Variants in DOCK2 observed in about 807,000 individuals in gnomAD.
The protein encoded by DOCK2 is dedicator of cytokinesis protein 2.
Under a neutral mutation model 248.9 loss-of-function variants are expected in DOCK2, and 87 were observed. The ratio of observed to expected loss-of-function variants is 0.35; its 90% confidence interval spans 0.29 to 0.42. The LOEUF (loss-of-function observed/expected upper bound fraction) is 0.42. Among genes scored for constraint, DOCK2 ranks in the 10% least tolerant of loss-of-function variants. DOCK2 has a pLI of 1.00. For synonymous variants in DOCK2, 805 were observed against 821.6 expected, an observed-to-expected ratio of 0.98 and a Z score of 0.35; for missense variants, 1,747 against 2,300.2, an observed-to-expected ratio of 0.76 and a Z score of 4.92.
intron 27 of DOCK2, among the ~76,000 whole-genome samples, chr5:169,922,749 G>A (rs1180080538): frequency 6.6e-6 from 1 of 152,142 alleles, no homozygotes; most frequent in Non-Finnish European, 1.5e-5. Context: ...AAATTGTGCT[G>A]TCTCATTCCA....
intron 44 of DOCK2, among the ~76,000 whole-genome samples, 190 bp downstream of exon 44, chr5:170,057,856 G>A (rs1581563617): frequency 1.3e-5 from 2 of 151,522 alleles, no homozygotes; most frequent in African/African-American, 4.9e-5. Flanking sequence ...TTAAGCATCA[G>A]ATAACCTTTT....
chr5:169,662,553 A>G (rs992209592), intron 2 of DOCK2, among the ~76,000 whole-genome samples: 1 of 152,216 alleles, frequency 6.6e-6, no homozygotes, highest in Admixed American at 6.5e-5. Context: ...AAAGAGGTTT[A>G]ATTGACTCAC....
chr5:169,668,254 T>C (rs989264087), intron 2 of DOCK2, among the ~76,000 whole-genome samples: 6 of 152,214 alleles, frequency 3.9e-5, no homozygotes, highest in African/African-American at 1.4e-4. Context: ...AGATTCTCTT[T>C]CCAACCTCCC....
At chr5:169,717,167 T>C (rs1480241776) in intron 20 of DOCK2, among the ~76,000 whole-genome samples, 1 of 152,184 alleles carries the variant, frequency 6.6e-6, no homozygotes, top group East Asian at 1.9e-4. Flanking sequence ...TCAAAACCTA[T>C]TTGACCATGA....
At position 169,725,302 on chromosome 5, in the gene DOCK2, C is replaced by T. The variant is rs537356015; in HGVS notation, c.2267+6511C>T. ...AGATCAGGATGAAAGAGAAAACTGT[C>T]ACCGAAAGGATATCATCAAACAGTG... On this transcript the variant is annotated intron_variant, in intron 22 of 51. Coordinates refer to ENST00000520908, the MANE Select transcript of DOCK2 (RefSeq NM_004946.3). Among the ~76,000 whole-genome samples the T allele has an allele frequency of 3.5e-4, 54 of 152,248 alleles. 2 individuals carry two copies. In the South Asian group the frequency reaches 0.011, roughly 31 times the overall value.
At chr5:169,949,993 C>T (rs933506086) in intron 27 of DOCK2, among the ~76,000 whole-genome samples, 2 of 152,148 alleles carry the variant, frequency 1.3e-5, no homozygotes, top group Non-Finnish European at 2.9e-5. Context: ...AACACAACCT[C>T]GCAATGAAGG....
chr5:169,815,453 T>A (rs930299008), intron 26 of DOCK2, among the ~76,000 whole-genome samples: 4 of 152,152 alleles, frequency 2.6e-5, no homozygotes, highest in Admixed American at 1.3e-4. Context: ...ACACACTCCC[T>A]CCTTCCTATC....
intron 33 of DOCK2, among the ~76,000 whole-genome samples, chr5:170,025,423 C>A (rs1369385067): frequency 6.6e-6 from 1 of 152,192 alleles, no homozygotes; most frequent in Non-Finnish European, 1.5e-5. Context: ...TACTGTCTGG[C>A]CCTTTACAGG....
At chr5:169,812,297 C>T (rs1424022382) in intron 26 of DOCK2, among the ~76,000 whole-genome samples, 2 of 152,182 alleles carry the variant, frequency 1.3e-5, no homozygotes, top group South Asian at 4.1e-4. Context: ...GGTGCATGCT[C>T]CTTATGAGAA....
chr5:169,780,372 TG>T (rs1765644848), intron 25 of DOCK2, among the ~76,000 whole-genome samples: 1 of 151,442 alleles, frequency 6.6e-6, no homozygotes, highest in Admixed American at 6.6e-5. Context: ...CCAAAATGCA[TG>T]GGAAAGTTGT....
At chr5:169,779,690 G>A (rs891753589) in intron 25 of DOCK2, among the ~76,000 whole-genome samples, 2 of 152,036 alleles carry the variant, frequency 1.3e-5, no homozygotes, top group Non-Finnish European at 2.9e-5. Context: ...CATTTGTTCT[G>A]TCCCCACCCC....
intron 30 of DOCK2, chr5:169,999,945 T>C (rs1255784071): frequency 6.6e-6 from 1 of 152,168 alleles, no homozygotes; most frequent in Non-Finnish European, 1.5e-5. Context: ...GTAAGAAGCT[T>C]GGTGACTGCC....
At chr5:169,812,334 C>A (rs1443021689) in intron 26 of DOCK2, among the ~76,000 whole-genome samples, 2 of 152,228 alleles carry the variant, frequency 1.3e-5, no homozygotes, top group Admixed American at 1.3e-4. Context: ...CTGTCACTGT[C>A]TCCTATCCCC....
At chr5:169,990,106 C>G (rs114127026) in intron 29 of DOCK2, among the ~76,000 whole-genome samples, 2,242 of 150,322 alleles carry the variant, frequency 0.015, 55 homozygotes, top group African/African-American at 0.05. Context: ...TTTTCTTCTT[C>G]TTTTTCTTTT....
intron 25 of DOCK2, among the ~76,000 whole-genome samples, chr5:169,768,539 A>G (rs920760218): frequency 1.3e-5 from 2 of 152,180 alleles, no homozygotes; most frequent in African/African-American, 2.4e-5. Context: ...CAGGCTATAC[A>G]TGAACTCTGA....
intron 20 of DOCK2, among the ~76,000 whole-genome samples, chr5:169,716,724 C>T (rs1382695020): frequency 6.6e-6 from 1 of 152,200 alleles, no homozygotes; most frequent in Non-Finnish European, 1.5e-5. Flanking sequence ...CCTACCCACC[C>T]AGAACTTTTC....
In DOCK2 at chr5:169,664,968, A is replaced by G. The variant is rs13165931; in HGVS notation, c.128-4320A>G. Among the ~76,000 whole-genome samples, 393 of 146,936 alleles carry G rather than the reference A, an allele frequency of 2.7e-3. 3 individuals are homozygous for G. The highest frequency in any genetic ancestry group is 8.2e-3 in the African/African-American group (321 of 38,962). ...CATATCTATATATGTTTATATATAA[A>G]TATCAGCATATCTATATATGTTTAT... On this transcript the variant is annotated intron_variant, in intron 2 of 51. Transcript: ENST00000520908.
At chr5:169,770,691 T>C (rs1208316465) in intron 25 of DOCK2, among the ~76,000 whole-genome samples, 1 of 152,194 alleles carries the variant, frequency 6.6e-6, no homozygotes, top group Admixed American at 6.5e-5. Flanking sequence ...TTATTTGAAC[T>C]TTACGAAAAG....
chr5:169,759,548 A>C (rs1264339042), intron 23 of DOCK2, among the ~76,000 whole-genome samples, 157 bp from the exon 24 acceptor site: 1 of 152,188 alleles, frequency 6.6e-6, no homozygotes, highest in African/African-American at 2.4e-5. Context: ...GTCCGTGCTT[A>C]TGTTTTGATG....
Sources: allele counts gnomAD v4.1 joint callset (sites outside exome capture counted in the v4.1 genomes callset), GRCh38; gene constraint gnomAD v4.1.1; transcripts MANE v1.5; gene names NCBI Gene and HGNC (gene_info 2026-07-23, HGNC 2026-07-21).